GRIA1: variants seen among roughly 807,000 people sequenced by gnomAD.
GRIA1 encodes the protein glutamate receptor 1.
GRIA1 carries 31 observed loss-of-function variants against 99.2 expected under a neutral mutation model. That is an observed-to-expected ratio of 0.31 (90% confidence interval 0.23 to 0.42). The LOEUF is 0.42. GRIA1 is among the 10% of genes least tolerant of loss of function. The pLI, the probability that GRIA1 is intolerant of heterozygous loss-of-function variation, is 1.00. For missense variants in GRIA1, 782 were observed against 1,157.5 expected (o/e 0.68, Z 4.71); for synonymous variants, 438 against 432.4 (o/e 1.01, Z -0.16).
chr5:153,751,816 T>G (rs1441981942), intron 11 of GRIA1, among the ~76,000 whole-genome samples: 1 of 152,238 alleles, frequency 6.6e-6, no homozygotes, highest in Non-Finnish European at 1.5e-5. Context: ...CATACACTAT[T>G]TTGTTAACAA....
intron 2 of GRIA1, among the ~76,000 whole-genome samples, chr5:153,627,728 T>A (rs532599653): frequency 5.9e-5 from 9 of 152,240 alleles, no homozygotes; most frequent in African/African-American, 2.2e-4. Context: ...CTGAGAGATA[T>A]TCCACACAGG....
intron 2 of GRIA1, among the ~76,000 whole-genome samples, chr5:153,534,140 T>A (rs959103368): frequency 1.3e-5 from 2 of 152,246 alleles, no homozygotes; most frequent in Admixed American, 1.3e-4. Flanking sequence ...TTTATTCTGT[T>A]ACAAAGCAAG....
chr5:153,645,399 G>A (rs1561722860), intron 2 of GRIA1, among the ~76,000 whole-genome samples: 1 of 152,140 alleles, frequency 6.6e-6, no homozygotes, highest in Non-Finnish European at 1.5e-5. Flanking sequence ...ACTCACAGTA[G>A]ACAATTAGGT....
intron 2 of GRIA1, among the ~76,000 whole-genome samples, chr5:153,593,248 CAG>C (rs1478611902): frequency 2.0e-5 from 3 of 152,112 alleles, no homozygotes; most frequent in Non-Finnish European, 4.4e-5. Context: ...ACCTGGGTGA[CAG>C]AGTAAAATTC....
chr5:153,727,322 G>T (rs1760630810), intron 11 of GRIA1, among the ~76,000 whole-genome samples: 3 of 152,108 alleles, frequency 2.0e-5, no homozygotes, highest in Non-Finnish European at 4.4e-5. Flanking sequence ...TTGAGAACTG[G>T]CACAAGACAG....
At chr5:153,807,561 C>T (rs996697783) in intron 15 of GRIA1, among the ~76,000 whole-genome samples, 3 of 152,174 alleles carry the variant, frequency 2.0e-5, no homozygotes, top group African/African-American at 4.8e-5. Flanking sequence ...AAGATGTGAA[C>T]TCTTGCCCAG....
chr5:153,545,411 G>T (rs1394745542), intron 2 of GRIA1, among the ~76,000 whole-genome samples: 2 of 152,228 alleles, frequency 1.3e-5, no homozygotes, highest in Non-Finnish European at 2.9e-5. Context: ...CAGGGACTGG[G>T]GGGAAGTTTG....
rs74395754 is a variant in GRIA1, at chr5:153,731,649, A to G, written c.1823+25582A>G. 6.8e-3 allele frequency among the ~76,000 whole-genome samples: 1,034 copies of G among 152,236 alleles called. 16 individuals are homozygous for G. Among genetic ancestry groups the G allele is most frequent in the African/African-American group, 0.024 (982 of 41,552 alleles). On this transcript the variant is annotated intron_variant, in intron 11 of 15. Transcript: ENST00000285900. ...ATTATATATATTTAAGGTATACAAC[A>G]TGATGTTTTGATATGTGTGTATGTT...
chr5:153,640,805 C>G (rs1203056171), intron 2 of GRIA1, among the ~76,000 whole-genome samples: 1 of 152,038 alleles, frequency 6.6e-6, no homozygotes, highest in East Asian at 1.9e-4. Context: ...GTTTCTGGTG[C>G]CAATAAATAT....
chr5:153,788,239 C>G lies in GRIA1; in HGVS notation c.2271-6382C>G, dbSNP rs551242225. On this transcript the variant is annotated intron_variant, in intron 13 of 15. Transcript: ENST00000285900. ...AATCTTTCCTTCAATCCCCCATAACCAATCTATCTCCCTTACTCAAAATGT... is the reference window on the plus strand; with the variant it reads ...AATCTTTCCTTCAATCCCCCATAACGAATCTATCTCCCTTACTCAAAATGT... Among the ~76,000 whole-genome samples, 12 of 152,192 alleles carry G rather than the reference C, an allele frequency of 7.9e-5. No individual in the cohort carries two copies. In the South Asian group the frequency reaches 8.3e-4, roughly 11 times the overall value.
chr5:153,603,006 T>G (rs1765122943), intron 2 of GRIA1, among the ~76,000 whole-genome samples: 1 of 152,112 alleles, frequency 6.6e-6, no homozygotes, highest in African/African-American at 2.4e-5. Context: ...AGATGAACAG[T>G]ATATAACAAT....
At position 153,561,239 on chromosome 5, in the gene GRIA1, A is replaced by G. The variant is rs1761098641; in HGVS notation, c.220+67174A>G. Among the ~76,000 whole-genome samples, 11 of 152,306 alleles carry G rather than the reference A, an allele frequency of 7.2e-5. No individual in the cohort carries two copies. The South Asian group carries it at 2.3e-3, about 32-fold the overall frequency. On this transcript the variant is annotated intron_variant, in intron 2 of 15. Transcript: ENST00000285900. ...TCTTCTCTGTGCCATTTAAATAAATAAATCAGAGAATTGGACTCAGAATCT... is the reference window on the plus strand; with the variant it reads ...TCTTCTCTGTGCCATTTAAATAAATGAATCAGAGAATTGGACTCAGAATCT...
intron 5 of GRIA1, among the ~76,000 whole-genome samples, chr5:153,656,294 A>C (rs1754944397): frequency 6.6e-6 from 1 of 151,370 alleles, no homozygotes; most frequent in East Asian, 1.9e-4. Flanking sequence ...GTATTGACAA[A>C]ATTTTAACCA....
intron 11 of GRIA1, among the ~76,000 whole-genome samples, chr5:153,745,915 G>T (rs1481992468): frequency 2.0e-5 from 3 of 152,134 alleles, no homozygotes; most frequent in Non-Finnish European, 4.4e-5. Flanking sequence ...AGTGGTAACT[G>T]CTTCTACCAG....
At chr5:153,763,271 A>G (rs937028847) in intron 11 of GRIA1, among the ~76,000 whole-genome samples, 1 of 152,212 alleles carries the variant, frequency 6.6e-6, no homozygotes, top group Non-Finnish European at 1.5e-5. Context: ...AGTGTGGAAC[A>G]ACAGAGCAGC....
At chr5:153,651,653 T>C (rs974608136) in intron 4 of GRIA1, among the ~76,000 whole-genome samples, 2 of 152,300 alleles carry the variant, frequency 1.3e-5, no homozygotes, top group South Asian at 2.1e-4. Context: ...CAGCTATTAC[T>C]CAGAGGCCTC....
intron 11 of GRIA1, among the ~76,000 whole-genome samples, chr5:153,750,548 G>GTTGA (rs1359311365): frequency 6.6e-6 from 1 of 152,072 alleles, no homozygotes; most frequent in East Asian, 1.9e-4. Flanking sequence ...GGGATCAAGA[G>GTTGA]TTGATTGCTG....
intron 2 of GRIA1, among the ~76,000 whole-genome samples, chr5:153,528,722 T>C (rs571662409): frequency 6.6e-6 from 1 of 152,352 alleles, no homozygotes; most frequent in Admixed American, 6.5e-5. Context: ...CTGGTCTTCA[T>C]CCAGTGTCTC....
intron 11 of GRIA1, among the ~76,000 whole-genome samples, chr5:153,721,615 A>T (rs1760076608): frequency 1.3e-5 from 2 of 152,304 alleles, no homozygotes; most frequent in African/African-American, 4.8e-5. Context: ...ATAGAATTAT[A>T]TAGTATCTAT....
Sources: allele counts gnomAD v4.1 joint callset (sites outside exome capture counted in the v4.1 genomes callset), GRCh38; gene constraint gnomAD v4.1.1; transcripts MANE v1.5; gene names NCBI Gene and HGNC (gene_info 2026-07-23, HGNC 2026-07-21).